The following DNAH11 variants were observed in gnomAD, a reference collection of about 807,000 sequenced individuals.
DNAH11 encodes the protein dynein axonemal heavy chain 11.
Under a neutral mutation model 526.0 loss-of-function variants are expected in DNAH11, and 442 were observed. That is an observed-to-expected ratio of 0.84 (90% CI 0.78 to 0.91). The LOEUF (loss-of-function observed/expected upper bound fraction) is 0.91. Ranked by LOEUF, DNAH11 falls within the 40% of genes least tolerant of loss-of-function variation. The pLI is 0.00. For synonymous variants in DNAH11, 2,461 were observed against 1,935.9 expected (o/e 1.27, Z -7.12); for missense variants, 6,989 against 5,448.7 (o/e 1.28, Z -8.90).
At chr7:21,850,657 T>C (rs1782597539) in intron 66 of DNAH11, among the ~76,000 whole-genome samples, 2 of 150,562 alleles carry the variant, frequency 1.3e-5, no homozygotes, top group African/African-American at 4.9e-5. Context: ...TTGTACTTAT[T>C]TGTTGAAAAC....
chr7:21,874,556 G>A (rs1439102376), intron 74 of DNAH11, among the ~76,000 whole-genome samples: 1 of 151,936 alleles, frequency 6.6e-6, no homozygotes, highest in Non-Finnish European at 1.5e-5. Context: ...GGCTGGTCTC[G>A]AACTCCTGAC....
chr7:21,707,693 C>G lies in DNAH11; in HGVS notation c.6547-6C>G. Reference sequence around the variant, plus strand: ...ATTTTTTTGGCTCTTTCCTCCTTCCCCTCAGATTTTGAGAACACTGAACCG... The same window carrying G: ...ATTTTTTTGGCTCTTTCCTCCTTCCGCTCAGATTTTGAGAACACTGAACCG... On this transcript the variant is annotated splice_polypyrimidine_tract_variant and splice_region_variant and intron_variant, in intron 39 of 81. Coordinates refer to ENST00000409508, the MANE Select transcript of DNAH11 (RefSeq NM_001277115.2). 1.2e-6 allele frequency: 2 copies of G among 1,605,046 alleles called. No individual in the cohort carries two copies. The highest frequency in any genetic ancestry group is 1.1e-5 in the South Asian group (1 of 88,488).
At chr7:21,574,199 G>A (rs1783999108) in intron 8 of DNAH11, among the ~76,000 whole-genome samples, 1 of 152,174 alleles carries the variant, frequency 6.6e-6, no homozygotes, top group Non-Finnish European at 1.5e-5. Context: ...AGCAATATTA[G>A]ACTCAGTAAT....
intron 28 of DNAH11, among the ~76,000 whole-genome samples, chr7:21,647,325 A>C (rs568537609): frequency 4.6e-5 from 7 of 152,280 alleles, no homozygotes; most frequent in Non-Finnish European, 1.0e-4. Context: ...AATCATCCAT[A>C]AAGCCATATT....
intron 73 of DNAH11, among the ~76,000 whole-genome samples, chr7:21,872,091 T>C (rs1291653389): frequency 8.8e-6 from 1 of 113,660 alleles, no homozygotes; most frequent in Non-Finnish European, 1.7e-5. Context: ...ACCACTGCAC[T>C]CCAGCCTGGG....
intron 20 of DNAH11, among the ~76,000 whole-genome samples, chr7:21,608,761 T>C (rs1055622623): frequency 2.2e-4 from 34 of 152,360 alleles, no homozygotes; most frequent in Middle Eastern, 6.8e-3. Context: ...TGTAAACATT[T>C]ACTACAGTTA....
chr7:21,759,080 A>G (rs1485106680), intron 54 of DNAH11, among the ~76,000 whole-genome samples: 3 of 152,216 alleles, frequency 2.0e-5, no homozygotes, highest in African/African-American at 7.2e-5. Flanking sequence ...CTTGGAACGC[A>G]GTCTGTGACC....
chr7:21,600,177 T>G (rs1158772526), intron 15 of DNAH11, 58 bp downstream of exon 15: 6 of 1,418,280 alleles, frequency 4.2e-6, no homozygotes, highest in Admixed American at 4.8e-5. Flanking sequence ...AAACAAATTG[T>G]GGCTGAGTAT....
chr7:21,597,591 G>T (rs1164529428), intron 14 of DNAH11, among the ~76,000 whole-genome samples: 1 of 152,120 alleles, frequency 6.6e-6, no homozygotes, highest in Non-Finnish European at 1.5e-5. Context: ...GAGCAAAGGG[G>T]AAGAAACACA....
intron 8 of DNAH11, among the ~76,000 whole-genome samples, chr7:21,578,948 A>G (rs1362164474): frequency 6.6e-6 from 1 of 152,130 alleles, no homozygotes; most frequent in African/African-American, 2.4e-5. Flanking sequence ...TTAGTGAGAA[A>G]CCTTTGAGTC....
chr7:21,622,421 T>G (rs1786109197), intron 25 of DNAH11, among the ~76,000 whole-genome samples: 1 of 152,076 alleles, frequency 6.6e-6, no homozygotes. Context: ...TTCAATGCCA[T>G]CCCCATCAAG....
At chr7:21,633,501 C>T (rs1406177899) in intron 25 of DNAH11, among the ~76,000 whole-genome samples, 1 of 152,154 alleles carries the variant, frequency 6.6e-6, no homozygotes, top group Non-Finnish European at 1.5e-5. Context: ...ATGTTGGGTT[C>T]ATATACATTT....
chr7:21,614,063 C>T (rs1490433872), intron 20 of DNAH11, among the ~76,000 whole-genome samples: 1 of 152,094 alleles, frequency 6.6e-6, no homozygotes, highest in African/African-American at 2.4e-5. Flanking sequence ...AAGCATGAGC[C>T]ACTGTGCCCA....
Position 21,793,127 on chromosome 7 carries a change from A to T in DNAH11, c.10026+3785A>T, listed in dbSNP as rs116396869. 1.9e-3 allele frequency among the ~76,000 whole-genome samples: 282 copies of T among 152,288 alleles called. 1 individual carries two copies. The highest frequency in any genetic ancestry group is 6.7e-3 in the African/African-American group (277 of 41,554). On this transcript the variant is annotated intron_variant, in intron 61 of 81. Coordinates refer to ENST00000409508, the MANE Select transcript of DNAH11 (RefSeq NM_001277115.2). ...TTAAATTTCCTTCTTAATGTCATTGACCAACTGATTAGGAACATGTTTAAT... is the reference window on the plus strand; with the variant it reads ...TTAAATTTCCTTCTTAATGTCATTGTCCAACTGATTAGGAACATGTTTAAT...
Position 21,681,633 on chromosome 7 carries a change from G to T in DNAH11, c.5416G>T (p.Asp1806Tyr), listed in dbSNP as rs768955174. 6.2e-7 allele frequency: 1 copy of T among 1,613,772 alleles called. No homozygotes were observed. Among genetic ancestry groups the T allele is most frequent in the African/African-American group, 1.3e-5 (1 of 74,904 alleles). The change falls in exon 31 of 82, where the codon GAT becomes TAT. Residue 1806 changes from aspartate (D) to tyrosine (Y), a missense_variant. Transcript: ENST00000409508. ...GAAGATCATGACAATTTGTACCATA[G>T]ATGTCCATGCCAGAGACGTGGTGGC... Reference protein sequence around the residue: ...RQKIMTICTIDVHARDVVAKL... With the variant: ...RQKIMTICTIYVHARDVVAKL...
chr7:21,864,010 A>G (rs1004279591), intron 69 of DNAH11, among the ~76,000 whole-genome samples: 2 of 152,222 alleles, frequency 1.3e-5, no homozygotes, highest in Non-Finnish European at 2.9e-5. Flanking sequence ...CAGAATGTCT[A>G]AAGTTTATTC....
intron 2 of DNAH11, among the ~76,000 whole-genome samples, chr7:21,549,499 G>T (rs1332181228): frequency 2.6e-5 from 4 of 152,132 alleles, no homozygotes; most frequent in Non-Finnish European, 4.4e-5. Flanking sequence ...GGCAAATGGG[G>T]GGGTTGAGTT....
chr7:21,746,646 A>T lies in DNAH11; in HGVS notation c.8510+1583A>T, dbSNP rs187877413. Among the ~76,000 whole-genome samples, 111 of 152,262 alleles carry T rather than the reference A, an allele frequency of 7.3e-4. 1 individual carries two copies. Among genetic ancestry groups the T allele is most frequent in the Non-Finnish European group, 8.4e-4 (57 of 68,004 alleles). ...AAGAAGGAAAAATCCAGAGAAAATA[A>T]GATGTGGAGAATTCAGTTTTTAGAA... On this transcript the variant is annotated intron_variant, in intron 51 of 81. Transcript: ENST00000409508.
Position 21,815,464 on chromosome 7 carries a change from C to T in DNAH11, c.10333-1003C>T, listed in dbSNP as rs532500274. On this transcript the variant is annotated intron_variant, in intron 63 of 81. Coordinates refer to ENST00000409508, the MANE Select transcript of DNAH11 (RefSeq NM_001277115.2). Reference sequence around the variant, plus strand: ...CTTTTCCTATATTCGTATCAAATTGCATCCCAGCCTTAATGTGGGAATCCT... The same window carrying T: ...CTTTTCCTATATTCGTATCAAATTGTATCCCAGCCTTAATGTGGGAATCCT... 4.6e-5 allele frequency among the ~76,000 whole-genome samples: 7 copies of T among 152,280 alleles called. No homozygotes were observed. The East Asian group carries it at 1.3e-3, about 29-fold the overall frequency.
Sources: allele counts gnomAD v4.1 joint callset (sites outside exome capture counted in the v4.1 genomes callset), GRCh38; gene constraint gnomAD v4.1.1; transcripts MANE v1.5; gene names NCBI Gene and HGNC (gene_info 2026-07-23, HGNC 2026-07-21).